CALHM4: variants seen among roughly 807,000 people sequenced by gnomAD.
The protein encoded by CALHM4 is calcium homeostasis modulator family member 4.
A neutral mutation model predicts 13.3 loss-of-function variants in CALHM4; 16 were observed. That is an observed-to-expected ratio of 1.20 (90% CI 0.81 to 1.82). CALHM4 has a LOEUF of 1.82. CALHM4 is among the 40% of genes most tolerant of loss of function. CALHM4 has a pLI of 0.00. For missense variants in CALHM4, 344 were observed against 374.9 expected (o/e 0.92, Z 0.68); for synonymous variants, 127 against 137.1 (o/e 0.93, Z 0.52).
chr6:116,540,447 T>C (rs1773371669), intron 1 of CALHM4: 3 of 1,551,202 alleles, frequency 1.9e-6, no homozygotes, highest in Non-Finnish European at 2.6e-6. Flanking sequence ...CAAGCCGCGT[T>C]CCAATGCCGT....
intron 1 of CALHM4, among the ~76,000 whole-genome samples, chr6:116,537,186 A>C (rs1483414496): frequency 6.6e-6 from 1 of 152,230 alleles, no homozygotes; most frequent in African/African-American, 2.4e-5. Flanking sequence ...CTCATTGACA[A>C]GAAAGAATCT....
At chr6:116,529,427 A>G (rs910548955) in intron 1 of CALHM4, among the ~76,000 whole-genome samples, 8 of 152,240 alleles carry the variant, frequency 5.3e-5, no homozygotes, top group African/African-American at 1.9e-4. Flanking sequence ...TGGAAGGGAA[A>G]TATGGGGTAG....
chr6:116,553,770 T>TGATTTGTG lies in CALHM4; in HGVS notation c.-23_-16dup. The TGATTTGTG allele has an allele frequency of 2.6e-6, 4 of 1,539,060 alleles. No homozygotes were observed. The highest frequency in any genetic ancestry group is 3.5e-6 in the Non-Finnish European group (4 of 1,140,112). ...CTAATGATCAGAAAGGGCCACAAGC[T>TGATTTGTG]GATTTGTGTAACAGCTTCCCAAGAT... On this transcript the variant is annotated 5_prime_UTR_variant, in exon 1 of 2. Transcript: ENST00000368596.
In CALHM4 at chr6:116,559,878, T is replaced by C. The variant is rs1431741654; in HGVS notation, c.*1667T>C. ...GAAGGAAAATGTCCCCAACTCTGAA[T>C]CTGAGCTTTCTCTGAAAACATTTAC... On this transcript the variant is annotated 3_prime_UTR_variant, in exon 2 of 2. Transcript: ENST00000368596. 1.3e-5 allele frequency among the ~76,000 whole-genome samples: 2 copies of C among 152,172 alleles called. No homozygotes were observed. The highest frequency in any genetic ancestry group is 2.9e-5 in the Non-Finnish European group (2 of 68,022).
chr6:116,541,666 C>A (rs1010455929), intron 1 of CALHM4, among the ~76,000 whole-genome samples: 2 of 152,198 alleles, frequency 1.3e-5, no homozygotes, highest in African/African-American at 4.8e-5. Flanking sequence ...GCTCTCACTG[C>A]AAAGACTTTT....
intron 2 of CALHM4, chr6:116,545,454 CTT>C: frequency 6.5e-7 from 1 of 1,537,728 alleles, no homozygotes; most frequent in Non-Finnish European, 8.8e-7. Flanking sequence ...GAAAAAATCT[CTT>C]TGTAGAAAGA....
intron 1 of CALHM4, among the ~76,000 whole-genome samples, chr6:116,532,121 G>A (rs1772764361): frequency 6.6e-6 from 1 of 152,248 alleles, no homozygotes; most frequent in African/African-American, 2.4e-5. Flanking sequence ...GGCTGCTTCT[G>A]CATGTAGTGT....
intron 1 of CALHM4, among the ~76,000 whole-genome samples, chr6:116,532,839 G>T (rs1353687402): frequency 6.6e-6 from 1 of 152,194 alleles, no homozygotes; most frequent in Non-Finnish European, 1.5e-5. Context: ...GGTTAAGTAA[G>T]GTTAATCATG....
chr6:116,558,274 C>A lies in CALHM4; in HGVS notation c.*63C>A, dbSNP rs1401307604. ...ACTTGGCTTTTATGGCTTTTATGAT[C>A]AGGCCATTTCAATGTAATCTCTTCA... On this transcript the variant is annotated 3_prime_UTR_variant, in exon 2 of 2. Coordinates refer to ENST00000368596, the MANE Select transcript of CALHM4 (RefSeq NM_001366078.2). 1.4e-6 allele frequency: 2 copies of A among 1,473,768 alleles called. No homozygotes were observed. Among genetic ancestry groups the A allele is most frequent in the African/African-American group, 1.4e-5 (1 of 71,190 alleles). The allele number at this position is 1,473,768 out of a possible 1,614,324, so 91.3% of individuals were successfully genotyped here.
chr6:116,534,144 A>C (rs1342767543), intron 1 of CALHM4, among the ~76,000 whole-genome samples: 1 of 152,012 alleles, frequency 6.6e-6, no homozygotes, highest in African/African-American at 2.4e-5. Flanking sequence ...CTAATCCCCT[A>C]TAAATAGCTA....
chr6:116,553,526 C>T (rs1275626846), upstream of CALHM4, among the ~76,000 whole-genome samples: 2 of 152,138 alleles, frequency 1.3e-5, no homozygotes, highest in Non-Finnish European at 2.9e-5. Context: ...AGCAAGCCAC[C>T]CTCCTTTTAT....
At chr6:116,555,641 T>C (rs1375500908) in intron 1 of CALHM4, among the ~76,000 whole-genome samples, 1 of 152,238 alleles carries the variant, frequency 6.6e-6, no homozygotes. Context: ...GTAACTTGTA[T>C]AATTCAGGGC....
chr6:116,549,604 G>A (rs901310048), upstream of CALHM4, among the ~76,000 whole-genome samples: 66 of 151,796 alleles, frequency 4.3e-4, no homozygotes, highest in Non-Finnish European at 7.9e-4. Flanking sequence ...GACAAAACTT[G>A]CTAAGTTTGT....
chr6:116,543,694 A>T, intron 1 of CALHM4: 12 of 836,362 alleles, frequency 1.4e-5, no homozygotes, highest in Non-Finnish European at 2.3e-5. Context: ...CATGGAGGAC[A>T]GTTTTTTAAA....
intron 1 of CALHM4, among the ~76,000 whole-genome samples, chr6:116,531,772 TAGC>T (rs1373949400): frequency 2.0e-5 from 3 of 151,942 alleles, no homozygotes; most frequent in African/African-American, 7.2e-5. Context: ...GACCTCAGAG[TAGC>T]AGAATGAATA....
chr6:116,548,154 A>G lies in CALHM4; in HGVS notation c.-1+4282A>G, dbSNP rs73769127. Among the ~76,000 whole-genome samples, 873 of 152,264 alleles carry G rather than the reference A, an allele frequency of 5.7e-3. 11 individuals are homozygous for G. Among genetic ancestry groups the G allele is most frequent in the African/African-American group, 0.02 (851 of 41,554 alleles). On this transcript the variant is annotated intron_variant, in intron 2 of 2. Transcript: ENST00000368597. ...AGGTCATGAAGGCTCTGCCCTTATGAATGAATTAGCACCTTATAAAAGGGC... is the reference window on the plus strand; with the variant it reads ...AGGTCATGAAGGCTCTGCCCTTATGGATGAATTAGCACCTTATAAAAGGGC...
intron 2 of CALHM4, among the ~76,000 whole-genome samples, chr6:116,544,843 T>A (rs1773676754): frequency 6.6e-6 from 1 of 152,050 alleles, no homozygotes; most frequent in East Asian, 1.9e-4. Context: ...CCTGACATAA[T>A]TAACAGAATT....
upstream of CALHM4, among the ~76,000 whole-genome samples, chr6:116,552,906 C>T (rs1367735199): frequency 6.6e-6 from 1 of 152,108 alleles, no homozygotes; most frequent in African/African-American, 2.4e-5. Flanking sequence ...AACCCTGTCT[C>T]TACTAAAAAT....
rs1562370262 is a variant in CALHM4 at position 116,560,661 on chromosome 6, GGGGC to G, written c.*2451_*2454del. Among the ~76,000 whole-genome samples the G allele has an allele frequency of 7.0e-6, 1 of 143,570 alleles. No homozygotes were observed. Among genetic ancestry groups the G allele is most frequent in the Non-Finnish European group, 1.5e-5 (1 of 65,864 alleles). The allele number at this position is 143,570 out of a possible 152,430, so 94.2% of individuals were successfully genotyped here. ...AATTTTTAGTATTTTGGGGGGGGGGGGGGCTATGGTCTATAGCATTTTTTTGCTC... is the reference window on the plus strand; with the variant it reads ...AATTTTTAGTATTTTGGGGGGGGGGGTATGGTCTATAGCATTTTTTTGCTC... On this transcript the variant is annotated 3_prime_UTR_variant, in exon 2 of 2. Transcript: ENST00000368596.
Sources: gnomAD v4.1 joint callset for allele counts (sites outside exome capture counted in the v4.1 genomes callset) on GRCh38, gnomAD v4.1.1 for gene constraint, MANE v1.5 for transcripts, NCBI Gene and HGNC (gene_info 2026-07-23, HGNC 2026-07-21) for gene names.